PLA2G4C: variants seen among roughly 807,000 people sequenced by gnomAD.
PLA2G4C encodes cytosolic phospholipase A2 gamma.
Under a neutral mutation model 73.8 loss-of-function variants are expected in PLA2G4C, and 64 were observed. That is an observed-to-expected ratio of 0.87 (90% CI 0.71 to 1.07). The LOEUF (loss-of-function observed/expected upper bound fraction) is 1.07, where lower values mean the gene tolerates loss of function less well. Ranked by LOEUF, PLA2G4C falls within the 50% of genes least tolerant of loss-of-function variation. The pLI is 0.00. For missense variants in PLA2G4C, 622 were observed against 665.4 expected (o/e 0.93, Z 0.72); for synonymous variants, 254 against 252.1 (o/e 1.01, Z -0.07).
Position 48,100,976 on chromosome 19 carries a change from T to A in PLA2G4C, c.258-1116A>T, listed in dbSNP as rs199779584. ...CATTTGTTCACTCAATAAATATATA[T>A]TATATATATTAATTTATAAAGAAAA... On this transcript the variant is annotated intron_variant, in intron 4 of 16. Coordinates refer to ENST00000599921, the MANE Select transcript of PLA2G4C (RefSeq NM_003706.3). 4.7e-5 allele frequency among the ~76,000 whole-genome samples: 7 copies of A among 148,202 alleles called. No individual in the cohort carries two copies. The East Asian group carries it at 1.4e-3, about 29-fold the overall frequency.
intron 16 of PLA2G4C, among the ~76,000 whole-genome samples, chr19:48,049,868 T>C (rs999089821): frequency 1.3e-5 from 2 of 152,178 alleles, no homozygotes; most frequent in Admixed American, 6.5e-5. Context: ...GATCTTGGAC[T>C]TCCAGCCTCC....
chr19:48,106,767 C>T, intron 1 of PLA2G4C: 1 of 567,378 alleles, frequency 1.8e-6, no homozygotes, highest in Non-Finnish European at 3.1e-6. Context: ...AGAAATATTT[C>T]AAGCGCGTCT....
At chr19:48,048,449 A>G in intron 16 of PLA2G4C, 61 bp from the exon 17 acceptor site, 2 of 1,203,402 alleles carry the variant, frequency 1.7e-6, no homozygotes, top group Non-Finnish European at 2.3e-6. Flanking sequence ...TGCACACTGG[A>G]TAAGATTAGA....
chr19:48,058,859 T>C (rs900068221), intron 14 of PLA2G4C, among the ~76,000 whole-genome samples: 5 of 151,424 alleles, frequency 3.3e-5, no homozygotes, highest in African/African-American at 1.2e-4. Context: ...AGTAGCTACA[T>C]GTTGGTTAGT....
At chr19:48,054,442 T>G (rs550544978) in intron 15 of PLA2G4C, among the ~76,000 whole-genome samples, 8 of 152,088 alleles carry the variant, frequency 5.3e-5, no homozygotes, top group African/African-American at 1.7e-4. Flanking sequence ...TAGCTGGGAT[T>G]ACAGGCACGC....
intron 10 of PLA2G4C, among the ~76,000 whole-genome samples, chr19:48,083,049 G>C (rs1388680860): frequency 2.7e-5 from 4 of 149,824 alleles, no homozygotes; most frequent in African/African-American, 9.8e-5. Context: ...CTCCTGACCT[G>C]GTGATCCACC....
chr19:48,085,115 G>A lies in PLA2G4C; in HGVS notation c.791-3C>T, dbSNP rs745796608. The stretch of plus-strand genomic sequence containing the variant: ...AGCAACAGCCCTTCTCCATAAACCT[G>A]CCAAGAAAATAGCAATAAAATTCAA... On this transcript the variant is annotated splice_polypyrimidine_tract_variant and splice_region_variant and intron_variant, in intron 9 of 16. Coordinates refer to ENST00000599921, the MANE Select transcript of PLA2G4C (RefSeq NM_003706.3). The A allele has an allele frequency of 1.1e-5, 17 of 1,606,186 alleles. 1 individual carries two copies. Among genetic ancestry groups the A allele is most frequent in the Middle Eastern group, 3.3e-4 (2 of 6,048 alleles).
intron 11 of PLA2G4C, 87 bp from the exon 12 acceptor site, chr19:48,074,961 A>C: frequency 1.2e-6 from 1 of 859,442 alleles, no homozygotes; most frequent in Non-Finnish European, 1.8e-6. Context: ...CATCTTCTGC[A>C]ATGCCCTGCG....
intron 4 of PLA2G4C, 36 bp from the exon 5 acceptor site, chr19:48,099,896 T>G (rs1023342654): frequency 6.8e-7 from 1 of 1,472,220 alleles, no homozygotes; most frequent in Non-Finnish European, 9.4e-7. Context: ...TTGGGCATTT[T>G]AAGTGTGGAC....
chr19:48,071,952 C>T (rs911308739), intron 12 of PLA2G4C, among the ~76,000 whole-genome samples: 2 of 151,596 alleles, frequency 1.3e-5, no homozygotes, highest in Admixed American at 1.3e-4. Context: ...TCAAGACCAG[C>T]CTGGCCAATA....
intron 12 of PLA2G4C, among the ~76,000 whole-genome samples, chr19:48,069,730 C>CA (rs1419397472): frequency 6.6e-6 from 1 of 152,208 alleles, no homozygotes; most frequent in African/African-American, 2.4e-5. Context: ...TTGACTTCAT[C>CA]ACTCATTAGC....
chr19:48,088,608 C>T (rs985771323), intron 9 of PLA2G4C, 78 bp downstream of exon 9: 6 of 968,332 alleles, frequency 6.2e-6, no homozygotes, highest in South Asian at 2.6e-5. Context: ...ATGTAATGTT[C>T]CTAGGACAAT....
intron 12 of PLA2G4C, among the ~76,000 whole-genome samples, chr19:48,069,019 T>A (rs1600184880): frequency 7.5e-6 from 1 of 132,910 alleles, no homozygotes; most frequent in Non-Finnish European, 1.6e-5. Context: ...GAGACCAGCC[T>A]GGGCAACATG....
At chr19:48,067,730 C>A (rs1448708796) in intron 13 of PLA2G4C, 61 bp downstream of exon 13, 6 of 1,127,060 alleles carry the variant, frequency 5.3e-6, no homozygotes, top group Middle Eastern at 2.2e-4. Flanking sequence ...ACCCCCTTCC[C>A]CTACTCCAGC....
At chr19:48,063,101 G>A (rs1010803724) in intron 13 of PLA2G4C, among the ~76,000 whole-genome samples, 2 of 152,080 alleles carry the variant, frequency 1.3e-5, no homozygotes, top group African/African-American at 4.8e-5. Flanking sequence ...CGGGAGTGCA[G>A]TGGCGCAATC....
chr19:48,100,196 ACC>A (rs1386286348), intron 4 of PLA2G4C, among the ~76,000 whole-genome samples: 4 of 152,016 alleles, frequency 2.6e-5, no homozygotes, highest in African/African-American at 9.7e-5. Flanking sequence ...AGTCTTTTAT[ACC>A]TATTAACTCA....
Position 48,105,401 on chromosome 19 carries a change from C to A in PLA2G4C, c.52G>T (p.Ala18Ser). The A allele has an allele frequency of 1.9e-6, 3 of 1,613,960 alleles. No individual in the cohort carries two copies. Among genetic ancestry groups the A allele is most frequent in the Non-Finnish European group, 1.7e-6 (2 of 1,179,972 alleles). Residue 18 changes from alanine to serine, a missense_variant, in exon 3 of 17, where the codon GCG becomes TCG. Physicochemically the swap from Ala to Ser is moderately conservative, Grantham distance 99. Transcript: ENST00000599921. ...IIPGLQKEEK[A>S]AVERRRLHVL... is the part of the protein sequence containing the mutation. ...TGAAGTCTTCGTCTCTCCACGGCCG[C>A]CTTTTCTTCTTTCTGGAGCCCAGGA...
At chr19:48,077,666 C>A in intron 11 of PLA2G4C, 105 bp downstream of exon 11, 2 of 816,788 alleles carry the variant, frequency 2.4e-6, no homozygotes, top group South Asian at 2.0e-5. Flanking sequence ...CCCAAAGGAG[C>A]ACCACATGAA....
At chr19:48,097,294 C>A (rs1363028785) in intron 6 of PLA2G4C, among the ~76,000 whole-genome samples, 2 of 138,264 alleles carry the variant, frequency 1.4e-5, no homozygotes, top group Non-Finnish European at 3.1e-5. Flanking sequence ...GCTCTGTCGC[C>A]CAGGCTGGAG....
Sources: gnomAD v4.1 joint callset for allele counts (sites outside exome capture counted in the v4.1 genomes callset) on GRCh38, gnomAD v4.1.1 for gene constraint, MANE v1.5 for transcripts, NCBI Gene and HGNC (gene_info 2026-07-23, HGNC 2026-07-21) for gene names.